Variants in KIAA2012 observed in about 807,000 individuals in gnomAD.
KIAA2012 encodes KIAA2012, also known as uncharacterized protein KIAA2012.
In KIAA2012, 125 loss-of-function variants were observed where a neutral mutation model predicts 150.6. That is an observed-to-expected ratio of 0.83 (90% CI 0.72 to 0.96). KIAA2012 has a LOEUF of 0.96. KIAA2012 is among the 40% of genes least tolerant of loss of function. KIAA2012 has a pLI of 0.00. For missense variants in KIAA2012, 1,219 were observed against 1,354.9 expected, an observed-to-expected ratio of 0.90 and a Z score of 1.57; for synonymous variants, 462 against 504.7, an observed-to-expected ratio of 0.92 and a Z score of 1.13.
In KIAA2012 at chr2:202,190,243, A is replaced by G. The variant is rs756484442; in HGVS notation, c.2561A>G (p.Gln854Arg). ...ACAAGACCCCAAAGGAAAAGGACAC[A>G]GAAGGAAAGAAATCTGGAGATAGCG... ...KKTRPQRKRT[Q>R]KERNLEIAAE... The change falls in exon 19 of 24, where the codon CAG (glutamine) becomes CGG (arginine). Residue 854 changes from glutamine (Q) to arginine (R), a missense_variant. Physicochemically the swap from Gln to Arg is conservative, Grantham distance 43. Transcript: ENST00000498697. 1.2e-5 allele frequency: 19 copies of G among 1,547,512 alleles called. 1 individual carries two copies. In the South Asian group the frequency reaches 2.3e-4, roughly 19 times the overall value.
chr2:202,188,173 G>T lies in KIAA2012; in HGVS notation c.2398G>T (p.Ala800Ser), dbSNP rs1294963969. ...ISHERDLINE[A>S]KRKEKPKKDK... ...TTAGGAGAGGGATTTGATTAACGAG[G>T]CCAAGAGAAAGGAAAAACCCAAGAA... is the stretch of plus-strand genomic sequence containing the variant. Residue 800 changes from alanine to serine, a missense_variant, in exon 18 of 24, where the codon GCC becomes TCC. By Grantham distance (99) the Ala-to-Ser change is moderately conservative. Coordinates refer to ENST00000498697, the MANE Select transcript of KIAA2012 (RefSeq NM_001277372.4). 7.1e-6 allele frequency: 11 copies of T among 1,550,522 alleles called. No homozygotes were observed. Among genetic ancestry groups the T allele is most frequent in the South Asian group, 4.8e-5 (4 of 84,020 alleles).
At chr2:202,167,854 AAAT>A (rs947467550) in intron 15 of KIAA2012, among the ~76,000 whole-genome samples, 1 of 151,884 alleles carries the variant, frequency 6.6e-6, no homozygotes, top group African/African-American at 2.4e-5. Context: ...TAAGAAAATA[AAAT>A]AATAATAATA....
intron 2 of KIAA2012, among the ~76,000 whole-genome samples, chr2:202,085,296 T>C (rs989234214): frequency 6.6e-6 from 1 of 152,204 alleles, no homozygotes; most frequent in Non-Finnish European, 1.5e-5. Flanking sequence ...CAAAGGGAAA[T>C]CAAGGTTGCC....
chr2:202,084,955 A>T (rs185024239), intron 2 of KIAA2012, among the ~76,000 whole-genome samples: 3 of 152,234 alleles, frequency 2.0e-5, no homozygotes, highest in East Asian at 1.9e-4. Context: ...TATACACAGG[A>T]TATGCTTGTA....
intron 15 of KIAA2012, chr2:202,179,778 A>C (rs371461564): frequency 3.2e-6 from 2 of 629,574 alleles, no homozygotes; most frequent in Admixed American, 1.8e-5. Flanking sequence ...AAGCCACAGC[A>C]GTGGGAAAGA....
chr2:202,173,057 G>A (rs1691925681), intron 15 of KIAA2012, among the ~76,000 whole-genome samples: 1 of 152,246 alleles, frequency 6.6e-6, no homozygotes, highest in Admixed American at 6.5e-5. Flanking sequence ...GAGGAAGTAG[G>A]AAGTGGTGCA....
chr2:202,189,384 T>C (rs996951362), intron 18 of KIAA2012, among the ~76,000 whole-genome samples: 19 of 151,542 alleles, frequency 1.3e-4, no homozygotes, highest in African/African-American at 4.6e-4. Context: ...CTCCGCCTCC[T>C]GGGTTCAAGC....
chr2:202,182,925 T>G (rs1692151035), intron 15 of KIAA2012, among the ~76,000 whole-genome samples: 2 of 152,184 alleles, frequency 1.3e-5, no homozygotes, highest in African/African-American at 4.8e-5. Context: ...GTTTTCCAAT[T>G]TTTCTGCAAT....
intron 11 of KIAA2012, among the ~76,000 whole-genome samples, chr2:202,120,680 C>G (rs1366206182): frequency 6.6e-6 from 1 of 152,172 alleles, no homozygotes; most frequent in Non-Finnish European, 1.5e-5. Context: ...GGGTCTCTTA[C>G]CAAGCACTCC....
intron 15 of KIAA2012, among the ~76,000 whole-genome samples, chr2:202,177,225 G>T (rs1223017125): frequency 6.6e-6 from 1 of 152,138 alleles, no homozygotes; most frequent in Non-Finnish European, 1.5e-5. Context: ...TATCATTTAT[G>T]TAAAGTTTTA....
chr2:202,171,545 C>A (rs1691893298), intron 15 of KIAA2012, among the ~76,000 whole-genome samples: 1 of 151,992 alleles, frequency 6.6e-6, no homozygotes, highest in African/African-American at 2.4e-5. Context: ...GCGGGCTCTC[C>A]CCGAAGGGTC....
chr2:202,172,333 C>T (rs1691910930), intron 15 of KIAA2012, among the ~76,000 whole-genome samples: 1 of 152,244 alleles, frequency 6.6e-6, no homozygotes, highest in Admixed American at 6.5e-5. Context: ...GTTTCTATGA[C>T]TCCATGCTCC....
intron 21 of KIAA2012, among the ~76,000 whole-genome samples, chr2:202,195,288 C>A (rs1692394407): frequency 6.6e-6 from 1 of 151,730 alleles, no homozygotes; most frequent in African/African-American, 2.4e-5. Flanking sequence ...GAGGCCTAGG[C>A]AGGTGGATCA....
At chr2:202,194,652 C>T (rs952969422) in intron 21 of KIAA2012, among the ~76,000 whole-genome samples, 4 of 65,840 alleles carry the variant, frequency 6.1e-5, no homozygotes, top group African/African-American at 2.4e-4. Flanking sequence ...GCTTCCTTCC[C>T]GAGCAGATGG....
At chr2:202,179,465 G>C (rs1033828063) in intron 15 of KIAA2012, 68 of 710,314 alleles carry the variant, frequency 9.6e-5, no homozygotes, top group Non-Finnish European at 1.7e-4. Context: ...CATTCTGTAT[G>C]ATGAGCGAAG....
chr2:202,097,335 A>T (rs1689911489), intron 4 of KIAA2012, 100 bp from the exon 5 acceptor site: 2 of 1,500,112 alleles, frequency 1.3e-6, no homozygotes, highest in African/African-American at 1.4e-5. Context: ...GGCCTTGAGC[A>T]CTTTTACTCA....
chr2:202,103,145 G>C, intron 8 of KIAA2012, 31 bp downstream of exon 8: 1 of 1,545,124 alleles, frequency 6.5e-7, no homozygotes, highest in Non-Finnish European at 8.7e-7. Flanking sequence ...CACTCCTGAG[G>C]GAGAGCCTGG....
chr2:202,162,928 C>CAA (rs530486463), intron 14 of KIAA2012, among the ~76,000 whole-genome samples: 23 of 90,178 alleles, frequency 2.6e-4, no homozygotes, highest in African/African-American at 7.5e-4. Flanking sequence ...GACTCCGTCT[C>CAA]AAAAAAAAAA....
At chr2:202,110,359 G>A (rs1018193764) in intron 10 of KIAA2012, among the ~76,000 whole-genome samples, 4 of 152,200 alleles carry the variant, frequency 2.6e-5, no homozygotes, top group Non-Finnish European at 5.9e-5. Flanking sequence ...ATAATGCAAG[G>A]ACAGTGCAAG....
Sources: allele counts gnomAD v4.1 joint callset (sites outside exome capture counted in the v4.1 genomes callset), GRCh38; gene constraint gnomAD v4.1.1; transcripts MANE v1.5; gene names NCBI Gene and HGNC (gene_info 2026-07-23, HGNC 2026-07-21).